COL4A6: variants seen among roughly 807,000 people sequenced by gnomAD.
COL4A6 encodes the protein collagen type IV alpha 6 chain.
COL4A6 carries 59 observed loss-of-function variants against 126.7 expected under a neutral mutation model. The ratio of observed to expected loss-of-function variants is 0.47; its 90% CI spans 0.38 to 0.58. COL4A6 has a LOEUF of 0.58. Ranked by LOEUF, COL4A6 falls within the 20% of genes least tolerant of loss-of-function variation. COL4A6 has a pLI of 0.00. For synonymous variants in COL4A6, 547 were observed against 496.6 expected, an observed-to-expected ratio of 1.10 and a Z score of -1.35; for missense variants, 1,285 against 1,337.3, an observed-to-expected ratio of 0.96 and a Z score of 0.61.
intron 2 of COL4A6, among the ~76,000 whole-genome samples, chrX:108,402,163 C>T (rs1420709649): frequency 9.0e-6 from 1 of 110,727 alleles, no homozygotes; most frequent in Non-Finnish European, 1.9e-5. Context: ...TTTCTATTCT[C>T]TGGAAAATCT....
intron 3 of COL4A6, among the ~76,000 whole-genome samples, chrX:108,247,704 A>G (rs976585176): frequency 9.0e-6 from 1 of 111,567 alleles, no homozygotes; most frequent in Non-Finnish European, 1.9e-5. Context: ...CATTTCCGGC[A>G]TGAAGTTTTG....
At chrX:108,271,962 T>G (rs1380989686) in intron 3 of COL4A6, among the ~76,000 whole-genome samples, 1 of 112,305 alleles carries the variant, frequency 8.9e-6, no homozygotes, top group South Asian at 3.7e-4. Context: ...ATCTGAAAGC[T>G]AATTAACCAG....
chrX:108,390,972 C>A (rs1034787130), intron 2 of COL4A6, among the ~76,000 whole-genome samples: 1 of 111,303 alleles, frequency 9.0e-6, no homozygotes, highest in African/African-American at 3.3e-5. Flanking sequence ...TAGTCAGGCC[C>A]CTCTGCTGCA....
intron 3 of COL4A6, among the ~76,000 whole-genome samples, chrX:108,265,210 G>T (rs755326013): frequency 9.0e-6 from 1 of 110,788 alleles, no homozygotes; most frequent in South Asian, 3.9e-4. Context: ...GATGATTCCT[G>T]GACATTCAGC....
chrX:108,398,590 A>G (rs895430759), intron 2 of COL4A6, among the ~76,000 whole-genome samples: 2 of 111,147 alleles, frequency 1.8e-5, no homozygotes, highest in African/African-American at 3.3e-5. Flanking sequence ...AAATTCACTT[A>G]TGATTCGTGC....
intron 3 of COL4A6, among the ~76,000 whole-genome samples, chrX:108,259,198 C>T (rs1408689230): frequency 9.0e-6 from 1 of 110,898 alleles, no homozygotes; most frequent in Admixed American, 9.6e-5. Context: ...TCAGTAAGAC[C>T]CCACAGTTAA....
chrX:108,296,137 T>C (rs2038319042), intron 3 of COL4A6, among the ~76,000 whole-genome samples: 1 of 112,065 alleles, frequency 8.9e-6, no homozygotes. Flanking sequence ...TTTGTAAAGA[T>C]GGTGGTAGGA....
intron 2 of COL4A6, among the ~76,000 whole-genome samples, chrX:108,375,876 A>G (rs1466969527): frequency 4.5e-5 from 5 of 110,740 alleles, no homozygotes; most frequent in Non-Finnish European, 9.5e-5. Flanking sequence ...TGTGCAACAG[A>G]CTGGTAATCC....
At chrX:108,346,133 C>G (rs765553808) in intron 2 of COL4A6, among the ~76,000 whole-genome samples, 53 of 111,475 alleles carry the variant, frequency 4.8e-4, no homozygotes, top group Non-Finnish European at 9.2e-4. Context: ...ACCTTGCCAC[C>G]TGGAGCCATG....
rs2035283105 is a variant in COL4A6, at chrX:108,198,267, T to C, written c.835-1688A>G. On this transcript the variant is annotated intron_variant, in intron 13 of 44. Transcript: ENST00000334504. ...AATAATGGCCAAGAGAACAAAACTG[T>C]TGCAAAGGGTGAAGGAAATGATGTT... 1.8e-5 allele frequency among the ~76,000 whole-genome samples: 2 copies of C among 111,344 alleles called. 1 individual carries two copies. The highest frequency in any genetic ancestry group is 6.5e-5 in the African/African-American group (2 of 30,594).
In COL4A6 at chrX:108,156,162, A is replaced by C. The variant is rs916363609; in HGVS notation, c.*838T>G. ...GTTCCTGGAGTCAAAAGCAAAACTC[A>C]CACATCCTTACGCACCCACCCCTCT... On this transcript the variant is annotated 3_prime_UTR_variant, in exon 45 of 45. Transcript: ENST00000334504. 9.0e-6 allele frequency: 1 copy of C among 111,633 alleles called. No individual in the cohort carries two copies. The highest frequency in any genetic ancestry group is 3.3e-5 in the African/African-American group (1 of 30,712). 9.2% of individuals were successfully genotyped at this position (111,633 alleles called of 1,213,427 possible). A position where few individuals can be genotyped will look rare whatever the true frequency, so the allele number is the denominator to read the frequency against.
intron 37 of COL4A6, among the ~76,000 whole-genome samples, chrX:108,168,411 A>C (rs745929202): frequency 8.9e-6 from 1 of 112,384 alleles, no homozygotes; most frequent in Non-Finnish European, 1.9e-5. Context: ...AAAATGCAGC[A>C]GGAAATGAAT....
intron 3 of COL4A6, among the ~76,000 whole-genome samples, chrX:108,284,313 G>A (rs1254771117): frequency 1.9e-5 from 2 of 105,642 alleles, no homozygotes; most frequent in African/African-American, 7.0e-5. Flanking sequence ...CCTGTCGGGG[G>A]CTGGGGGGCT....
rs779600665 is a variant in COL4A6, at chrX:108,245,776, T to C, written c.145-24402A>G. Among the ~76,000 whole-genome samples the C allele has an allele frequency of 8.1e-5, 9 of 111,574 alleles. No homozygotes were observed. In the South Asian group the frequency reaches 1.5e-3, roughly 19 times the overall value. On this transcript the variant is annotated intron_variant, in intron 3 of 44. Coordinates refer to ENST00000334504, the MANE Select transcript of COL4A6 (RefSeq NM_033641.4). The stretch of plus-strand genomic sequence containing the variant: ...GGTCCCAGTGATCTGGAAGAAGGAA[T>C]TCAAGCTCTACGGCCTAATATAGTT...
rs776862729 is a variant in COL4A6 at position 108,415,247 on chromosome X, T to C, written c.63+22695A>G. Among the ~76,000 whole-genome samples the C allele has an allele frequency of 7.2e-5, 8 of 111,867 alleles. No homozygotes were observed. The East Asian group carries it at 2.3e-3, about 32-fold the overall frequency. Reference sequence around the variant, plus strand: ...TTTCATGTGGCAACTCAAATTTCACTTCCTCCGAAAAAACTTTCCTGTTTA... The same window carrying C: ...TTTCATGTGGCAACTCAAATTTCACCTCCTCCGAAAAAACTTTCCTGTTTA... On this transcript the variant is annotated intron_variant, in intron 2 of 44. Transcript: ENST00000334504.
intron 3 of COL4A6, among the ~76,000 whole-genome samples, chrX:108,278,787 G>T (rs867988951): frequency 9.1e-6 from 1 of 109,569 alleles, no homozygotes; most frequent in Non-Finnish European, 1.9e-5. Flanking sequence ...GACTAACAGC[G>T]GATCTCTCGG....
In COL4A6 at chrX:108,190,466, T is replaced by C. The variant is rs866982097; in HGVS notation, c.1352A>G (p.Asn451Ser). The C allele has an allele frequency of 2.5e-6, 3 of 1,203,036 alleles. No homozygotes were observed. The highest frequency in any genetic ancestry group is 3.4e-6 in the Non-Finnish European group (3 of 888,930). Residue 451 changes from asparagine to serine, a missense_variant, in exon 20 of 45, where the codon AAC (asparagine) becomes AGC (serine). By Grantham distance (46) the Asn-to-Ser change is conservative. Transcript: ENST00000334504. The stretch of plus-strand genomic sequence containing the variant: ...GAGACCAGGGAACCCTGACTCTTTG[T>C]TGTGTAGAGTTTCAGTCTCAAATTC... ...SPEFETETLHNKESGFPGLRG... is the reference protein window; with the variant it reads ...SPEFETETLHSKESGFPGLRG...
intron 3 of COL4A6, among the ~76,000 whole-genome samples, chrX:108,290,206 G>C (rs981402313): frequency 8.9e-6 from 1 of 112,204 alleles, no homozygotes; most frequent in East Asian, 2.8e-4. Flanking sequence ...GAAGATGTAA[G>C]TAGGAAGAAG....
At chrX:108,272,764 C>T (rs1203471134) in intron 3 of COL4A6, among the ~76,000 whole-genome samples, 2 of 109,717 alleles carry the variant, frequency 1.8e-5, no homozygotes, top group Non-Finnish European at 3.8e-5. Context: ...CTCTCTACTT[C>T]TATCTGCCAA....
Sources: allele counts gnomAD v4.1 joint callset (sites outside exome capture counted in the v4.1 genomes callset), GRCh38; gene constraint gnomAD v4.1.1; transcripts MANE v1.5; gene names NCBI Gene and HGNC (gene_info 2026-07-23, HGNC 2026-07-21).